The following MFHAS1 variants were observed in gnomAD, a reference collection of about 807,000 sequenced individuals.
MFHAS1 encodes the protein multifunctional ROCO family signaling regulator 1, also known as malignant fibrous histiocytoma-amplified sequence 1.
Under a neutral mutation model 70.4 loss-of-function variants are expected in MFHAS1, and 50 were observed. The observed-to-expected ratio is 0.71, with a 90% CI of 0.57 to 0.90. MFHAS1 has a LOEUF of 0.90. Among genes scored for constraint, MFHAS1 ranks in the 40% least tolerant of loss-of-function variants. MFHAS1 has a pLI of 0.00. For synonymous variants in MFHAS1, 952 were observed against 620.0 expected (o/e 1.54, Z -7.96); for missense variants, 1,795 against 1,347.6 (o/e 1.33, Z -5.20).
chr8:8,874,526 G>T (rs993020512), intron 1 of MFHAS1, among the ~76,000 whole-genome samples: 5 of 152,126 alleles, frequency 3.3e-5, no homozygotes, highest in African/African-American at 1.2e-4. Context: ...ATTTTCCCTG[G>T]AAGAAATCAG....
At chr8:8,852,337 G>A (rs1563204313) in intron 1 of MFHAS1, among the ~76,000 whole-genome samples, 1 of 152,104 alleles carries the variant, frequency 6.6e-6, no homozygotes, top group Non-Finnish European at 1.5e-5. Context: ...AGCTGGGTGT[G>A]GTGGCATGCA....
chr8:8,862,388 GTTTT>G (rs11446754), intron 1 of MFHAS1, among the ~76,000 whole-genome samples: 2 of 146,984 alleles, frequency 1.4e-5, no homozygotes, highest in African/African-American at 5.0e-5. Context: ...GCTATAAGAG[GTTTT>G]TTTTTTTTAA....
chr8:8,798,496 T>G (rs1420439110), intron 1 of MFHAS1, among the ~76,000 whole-genome samples: 2 of 151,970 alleles, frequency 1.3e-5, no homozygotes, highest in Non-Finnish European at 2.9e-5. Flanking sequence ...TGGCTAAATG[T>G]TAACCTTTTA....
At chr8:8,828,102 G>A (rs1205536464) in intron 1 of MFHAS1, among the ~76,000 whole-genome samples, 1 of 152,114 alleles carries the variant, frequency 6.6e-6, no homozygotes, top group Non-Finnish European at 1.5e-5. Flanking sequence ...GCCTACATCT[G>A]CCAGGACTCT....
At chr8:8,839,398 T>C (rs1286696113) in intron 1 of MFHAS1, among the ~76,000 whole-genome samples, 2 of 152,224 alleles carry the variant, frequency 1.3e-5, no homozygotes, top group Admixed American at 1.3e-4. Context: ...ATTTGAAAGC[T>C]ATCATCATTA....
Position 8,890,128 on chromosome 8 carries a change from G to C in MFHAS1, c.2931C>G (p.His977Gln), listed in dbSNP as rs1809930175. The C allele has an allele frequency of 1.9e-6, 3 of 1,614,058 alleles. No individual in the cohort carries two copies. The highest frequency in any genetic ancestry group is 1.1e-5 in the South Asian group (1 of 91,070). The part of the protein sequence containing the change: ...NVLLQEWPGL[H>Q]YTVHILCSKC... ...TAGAACAGAGAATGTGCACGGTGTAGTGCAGTCCAGGCCATTCCTGAAGTA... is the reference window on the plus strand; with the variant it reads ...TAGAACAGAGAATGTGCACGGTGTACTGCAGTCCAGGCCATTCCTGAAGTA... The change falls in exon 1 of 3, where the codon CAC becomes CAG. Residue 977 changes from histidine to glutamine, a missense_variant. Physicochemically the swap from His to Gln is conservative, Grantham distance 24. Transcript: ENST00000276282.
intron 1 of MFHAS1, among the ~76,000 whole-genome samples, chr8:8,831,616 A>AT (rs373603367): frequency 0.083 from 11,783 of 142,792 alleles, 631 homozygotes; most frequent in South Asian, 0.18. Context: ...TAAATGGTCA[A>AT]TTTTTTTTTT....
chr8:8,805,142 C>A (rs918323348), intron 1 of MFHAS1, among the ~76,000 whole-genome samples: 6 of 152,130 alleles, frequency 3.9e-5, no homozygotes, highest in Admixed American at 1.3e-4. Context: ...AAACGTTCAA[C>A]CACAGAAAGC....
At chr8:8,859,404 C>T (rs1585056315) in intron 1 of MFHAS1, among the ~76,000 whole-genome samples, 1 of 152,280 alleles carries the variant, frequency 6.6e-6, no homozygotes, top group East Asian at 1.9e-4. Flanking sequence ...CAGAGGCCTT[C>T]TCATACACTA....
At chr8:8,841,467 CA>C (rs11435426) in intron 1 of MFHAS1, among the ~76,000 whole-genome samples, 84 of 143,680 alleles carry the variant, frequency 5.8e-4, no homozygotes, top group Non-Finnish European at 6.1e-4. Flanking sequence ...GACTTCGTCT[CA>C]AAAAAAAAAA....
At chr8:8,826,383 T>C (rs533809886) in intron 1 of MFHAS1, among the ~76,000 whole-genome samples, 1 of 152,222 alleles carries the variant, frequency 6.6e-6, no homozygotes, top group East Asian at 1.9e-4. Flanking sequence ...ATTTTTGCCT[T>C]GACAGATTCC....
rs764542837 is a variant in MFHAS1 at position 8,890,800 on chromosome 8, G to C, written c.2259C>G (p.Leu753=). The C allele has an allele frequency of 6.2e-7, 1 of 1,614,180 alleles. No homozygotes were observed. Among genetic ancestry groups the C allele is most frequent in the East Asian group, 2.2e-5 (1 of 44,888 alleles). The change falls in exon 1 of 3, where the codon CTC becomes CTG. Residue 753 remains leucine (L), a synonymous_variant. Transcript: ENST00000276282. ...CCTTGCCCTCTCCACTGGTCCCTAG[G>C]AGCAGCTTATGCAGCAGCAAAGAGG... ...RDPSLLLHKL[L]LGTSGEGKAE... is the part of the protein sequence containing the mutation.
intron 1 of MFHAS1, among the ~76,000 whole-genome samples, chr8:8,854,425 G>A (rs1044674929): frequency 6.6e-6 from 1 of 152,128 alleles, no homozygotes; most frequent in Admixed American, 6.5e-5. Flanking sequence ...GGAGGCTGAG[G>A]CAGGATAATG....
intron 1 of MFHAS1, among the ~76,000 whole-genome samples, chr8:8,832,084 A>G (rs1807417284): frequency 6.6e-6 from 1 of 151,744 alleles, no homozygotes; most frequent in African/African-American, 2.4e-5. Context: ...ACACACACAC[A>G]CACACGCACC....
At chr8:8,789,378 A>C (rs1020705279) in intron 2 of MFHAS1, among the ~76,000 whole-genome samples, 9 of 152,144 alleles carry the variant, frequency 5.9e-5, no homozygotes, top group Non-Finnish European at 1.2e-4. Context: ...GGAAGGCAAT[A>C]AATTCAGCTG....
At chr8:8,808,538 T>C (rs1027691880) in intron 1 of MFHAS1, among the ~76,000 whole-genome samples, 10 of 152,048 alleles carry the variant, frequency 6.6e-5, no homozygotes, top group Non-Finnish European at 1.2e-4. Flanking sequence ...AGCTGAAAGG[T>C]CTTGACTTAA....
chr8:8,792,392 G>A (rs1805748139), intron 2 of MFHAS1, among the ~76,000 whole-genome samples: 1 of 152,194 alleles, frequency 6.6e-6, no homozygotes, highest in Non-Finnish European at 1.5e-5. Context: ...TCTGAGGTCG[G>A]GAGTTCAAGA....
chr8:8,883,895 A>G (rs2116934873), intron 1 of MFHAS1, among the ~76,000 whole-genome samples: 1 of 151,942 alleles, frequency 6.6e-6, no homozygotes, highest in South Asian at 2.1e-4. Flanking sequence ...GACATAAAAT[A>G]TCCACTAAAT....
intron 1 of MFHAS1, among the ~76,000 whole-genome samples, chr8:8,867,098 A>G (rs1437184347): frequency 6.6e-6 from 1 of 152,210 alleles, no homozygotes; most frequent in Non-Finnish European, 1.5e-5. Context: ...AAAATTTCTG[A>G]TACTGCTAAG....
Sources: gnomAD v4.1 joint callset for allele counts (sites outside exome capture counted in the v4.1 genomes callset) on GRCh38, gnomAD v4.1.1 for gene constraint, MANE v1.5 for transcripts, NCBI Gene and HGNC (gene_info 2026-07-23, HGNC 2026-07-21) for gene names.